The following TXLNG variants were observed in gnomAD, a reference collection of about 807,000 sequenced individuals.
The protein encoded by TXLNG is gamma-taxilin.
A neutral mutation model predicts 38.8 loss-of-function variants in TXLNG; 5 were observed. The ratio of observed to expected loss-of-function variants is 0.13; its 90% CI spans 0.07 to 0.27. TXLNG has a LOEUF of 0.27. Ranked by LOEUF, TXLNG falls within the 10% of genes least tolerant of loss-of-function variation. The pLI, the probability that TXLNG is intolerant of heterozygous loss-of-function variation, is 1.00. For synonymous variants in TXLNG, 182 were observed against 158.2 expected (o/e 1.15, Z -1.13); for missense variants, 393 against 398.2 (o/e 0.99, Z 0.11).
At chrX:16,832,223 T>C (rs1929436882) in intron 5 of TXLNG, among the ~76,000 whole-genome samples, 1 of 111,870 alleles carries the variant, frequency 8.9e-6, no homozygotes, top group African/African-American at 3.2e-5. Flanking sequence ...TGGGAAAATA[T>C]GGGGAGGGAA....
intron 1 of TXLNG, among the ~76,000 whole-genome samples, chrX:16,799,299 C>A (rs1927995664): frequency 9.0e-6 from 1 of 111,357 alleles, no homozygotes; most frequent in African/African-American, 3.3e-5. Flanking sequence ...AGATGTGGTT[C>A]TTTAGGACGT....
intron 5 of TXLNG, among the ~76,000 whole-genome samples, chrX:16,830,560 T>C (rs1041573924): frequency 1.5e-4 from 16 of 105,177 alleles, no homozygotes; most frequent in African/African-American, 5.6e-4. Context: ...GGGCTTGTTA[T>C]GTTATGTTCC....
At chrX:16,827,048 G>C (rs937970946) in intron 3 of TXLNG, among the ~76,000 whole-genome samples, 33 of 109,011 alleles carry the variant, frequency 3.0e-4, no homozygotes, top group Non-Finnish European at 1.5e-4. Flanking sequence ...GGCCAACATA[G>C]GGAAACCCTG....
chrX:16,816,097 C>T (rs932009781), intron 1 of TXLNG, among the ~76,000 whole-genome samples: 3 of 106,365 alleles, frequency 2.8e-5, no homozygotes, highest in African/African-American at 1.0e-4. Flanking sequence ...GATGGAGTCT[C>T]GCTTTGTCAC....
At chrX:16,792,354 A>C (rs1239168294) in intron 1 of TXLNG, among the ~76,000 whole-genome samples, 1 of 111,927 alleles carries the variant, frequency 8.9e-6, no homozygotes, top group African/African-American at 3.2e-5. Context: ...TACCTCGTTA[A>C]GTTTTAACTT....
chrX:16,801,107 G>A (rs1026026601), intron 1 of TXLNG, among the ~76,000 whole-genome samples: 9 of 112,836 alleles, frequency 8.0e-5, no homozygotes, highest in African/African-American at 1.9e-4. Context: ...CGATGCCAGC[G>A]CCATGCTTCC....
Position 16,828,097 on chromosome X carries a change from G to A in TXLNG, c.502G>A (p.Glu168Lys), listed in dbSNP as rs1341250924. The change falls in exon 4 of 10, where the codon GAG (glutamate) becomes AAG (lysine). Residue 168 changes from glutamate to lysine, a missense_variant. Transcript: ENST00000380122. ...ACAAAGTGCTTATGAATTTTAGCTGGAGGAGAGCAGGAGTGTTCAGAAGCA... is the reference window on the plus strand; with the variant it reads ...ACAAAGTGCTTATGAATTTTAGCTGAAGGAGAGCAGGAGTGTTCAGAAGCA... The part of the protein sequence containing the change: ...ALCKKYADLL[E>K]ESRSVQKQMK... The A allele has an allele frequency of 8.4e-7, 1 of 1,190,783 alleles. No individual in the cohort carries two copies. The highest frequency in any genetic ancestry group is 1.1e-6 in the Non-Finnish European group (1 of 885,195).
rs922085618 is a variant in TXLNG, at chrX:16,844,278, A to T, written c.*2512A>T. 1.8e-5 allele frequency: 2 copies of T among 111,936 alleles called. No individual in the cohort carries two copies. The highest frequency in any genetic ancestry group is 3.8e-5 in the Non-Finnish European group (2 of 53,237). 9.2% of individuals were successfully genotyped at this position (111,936 alleles called of 1,213,427 possible). On this transcript the variant is annotated 3_prime_UTR_variant, in exon 10 of 10. Transcript: ENST00000380122. ...TTCAATTCTCAGGTGTTGCAGAAAA[A>T]TCTACCTCTTTCAGACTGTAGATGG...
In TXLNG at chrX:16,842,491, C is replaced by T. The variant is rs776980736; in HGVS notation, c.*725C>T. 1.5e-4 allele frequency: 17 copies of T among 111,539 alleles called. No homozygotes were observed. The highest frequency in any genetic ancestry group is 5.5e-4 in the African/African-American group (17 of 30,723). 9.2% of individuals were successfully genotyped at this position (111,539 alleles called of 1,213,427 possible). On this transcript the variant is annotated 3_prime_UTR_variant, in exon 10 of 10. Transcript: ENST00000380122. ...TGGGATTTGGACCATGAGGGGCTCC[C>T]GTAGAGGATGGCGGTTTGTGTTTGA...
intron 1 of TXLNG, among the ~76,000 whole-genome samples, chrX:16,794,049 G>GGTACTT (rs1927793277): frequency 8.9e-6 from 1 of 111,774 alleles, no homozygotes; most frequent in African/African-American, 3.2e-5. Context: ...ATGGCGCTAA[G>GGTACTT]AAGGTAAGTA....
chrX:16,814,061 G>C (rs1928640236), intron 1 of TXLNG, among the ~76,000 whole-genome samples: 1 of 111,161 alleles, frequency 9.0e-6, no homozygotes, highest in Admixed American at 9.6e-5. Flanking sequence ...ACTCCAGCCT[G>C]GGCGACAGAG....
chrX:16,786,526 C>T lies in TXLNG; in HGVS notation c.39C>T (p.Gly13=), dbSNP rs1299031293. 4.5e-6 allele frequency: 5 copies of T among 1,101,840 alleles called. No homozygotes were observed. The African/African-American group carries it at 7.7e-5, about 17-fold the overall frequency. 90.8% of individuals were successfully genotyped at this position (1,101,840 alleles called of 1,213,427 possible). A position where few individuals can be genotyped will look rare whatever the true frequency, so the allele number is the denominator to read the frequency against. The change falls in exon 1 of 10, where the codon GGC becomes GGT. Residue 13 remains glycine, a synonymous_variant. Coordinates refer to ENST00000380122, the MANE Select transcript of TXLNG (RefSeq NM_018360.3). ...TAGAGGAGGCAGCGCGGGGAAGAGG[C>T]GGCGGCGCCGAAGAGGCGACTGAGG... The part of the protein sequence containing the change: ...TRVEEAARGR[G]GGAEEATEAG...
At chrX:16,788,913 C>G (rs1602351501) in intron 1 of TXLNG, among the ~76,000 whole-genome samples, 1 of 111,390 alleles carries the variant, frequency 9.0e-6, no homozygotes, top group Non-Finnish European at 1.9e-5. Context: ...GGTAAGCCAC[C>G]CACCTTGGCC....
At position 16,843,186 on chromosome X, in the gene TXLNG, G is replaced by T. The variant is rs929343818; in HGVS notation, c.*1420G>T. On this transcript the variant is annotated 3_prime_UTR_variant, in exon 10 of 10. Transcript: ENST00000380122. ...CTATCAGACTGACACTTGTTAAATT[G>T]CTTACTGGACTGAATAAACTCTGTT... The T allele has an allele frequency of 8.9e-6, 1 of 112,390 alleles. No homozygotes were observed. Among genetic ancestry groups the T allele is most frequent in the Non-Finnish European group, 1.9e-5 (1 of 53,283 alleles). 9.3% of individuals were successfully genotyped at this position (112,390 alleles called of 1,213,427 possible). A position where few individuals can be genotyped will look rare whatever the true frequency, so the allele number is the denominator to read the frequency against.
Position 16,829,701 on chromosome X carries a change from C to G in TXLNG, c.795C>G (p.Leu265=). The change falls in exon 5 of 10, where the codon CTC becomes CTG. Residue 265 remains leucine (L), a synonymous_variant. Coordinates refer to ENST00000380122, the MANE Select transcript of TXLNG (RefSeq NM_018360.3). ...AGCATGACATCCACAACGCCAAACT[C>G]CGACAGGAAAACATTGAGCTGGGGG... ...LEQHDIHNAK[L]RQENIELGEK... The G allele has an allele frequency of 1.7e-6, 2 of 1,211,967 alleles. No individual in the cohort carries two copies. The highest frequency in any genetic ancestry group is 3.0e-5 in the East Asian group (1 of 33,866).
intron 1 of TXLNG, among the ~76,000 whole-genome samples, chrX:16,814,940 T>C (rs1928676266): frequency 8.9e-6 from 1 of 112,082 alleles, no homozygotes; most frequent in Non-Finnish European, 1.9e-5. Context: ...CTAATGGAAC[T>C]GAAAAACTAC....
intron 1 of TXLNG, among the ~76,000 whole-genome samples, chrX:16,795,555 C>G (rs529878388): frequency 5.4e-5 from 6 of 111,741 alleles, no homozygotes; most frequent in Non-Finnish European, 1.1e-4. Flanking sequence ...CTTAGTTTAG[C>G]ACTAGTCTGC....
At chrX:16,797,188 G>A (rs1410627591) in intron 1 of TXLNG, among the ~76,000 whole-genome samples, 2 of 108,932 alleles carry the variant, frequency 1.8e-5, no homozygotes, top group Non-Finnish European at 3.8e-5. Flanking sequence ...GGAGGCTGAG[G>A]CAGGAAAATC....
chrX:16,795,876 G>A (rs181613262), intron 1 of TXLNG, among the ~76,000 whole-genome samples: 1 of 106,159 alleles, frequency 9.4e-6, no homozygotes, highest in Non-Finnish European at 1.9e-5. Flanking sequence ...GCAGTGGTGC[G>A]ATCTCGGCTC....
Sources: gnomAD v4.1 joint callset for allele counts (sites outside exome capture counted in the v4.1 genomes callset) on GRCh38, gnomAD v4.1.1 for gene constraint, MANE v1.5 for transcripts, NCBI Gene and HGNC (gene_info 2026-07-23, HGNC 2026-07-21) for gene names.